The following GPC5 variants were observed in gnomAD, a reference collection of about 807,000 sequenced individuals.
GPC5 encodes the protein glypican 5, also known as glypican-5.
Under a neutral mutation model 53.9 loss-of-function variants are expected in GPC5, and 47 were observed. The observed-to-expected ratio is 0.87, with a 90% CI of 0.69 to 1.11. The LOEUF (loss-of-function observed/expected upper bound fraction) is 1.11, where lower values mean the gene tolerates loss of function less well. Among genes scored for constraint, GPC5 ranks in the 50% most tolerant of loss-of-function variants. The pLI, the probability that GPC5 is intolerant of heterozygous loss-of-function variation, is 0.00. For synonymous variants in GPC5, 286 were observed against 263.3 expected, an observed-to-expected ratio of 1.09 and a Z score of -0.84; for missense variants, 748 against 713.1, an observed-to-expected ratio of 1.05 and a Z score of -0.56.
chr13:91,752,999 C>G (rs541188459), intron 4 of GPC5, among the ~76,000 whole-genome samples: 1 of 152,320 alleles, frequency 6.6e-6, no homozygotes, highest in South Asian at 2.1e-4. Context: ...AAATCTCAAA[C>G]TGAACATGTT....
chr13:91,620,577 T>C (rs993210235), intron 2 of GPC5, among the ~76,000 whole-genome samples: 1 of 152,162 alleles, frequency 6.6e-6, no homozygotes, highest in African/African-American at 2.4e-5. Context: ...TTGTTCACAT[T>C]GTCATCGCTC....
intron 2 of GPC5, among the ~76,000 whole-genome samples, chr13:91,629,306 A>C (rs2034093868): frequency 6.6e-6 from 1 of 152,146 alleles, no homozygotes; most frequent in Non-Finnish European, 1.5e-5. Context: ...TAAAAGCTGA[A>C]TGAATTTGAG....
intron 5 of GPC5, among the ~76,000 whole-genome samples, chr13:91,850,296 A>G (rs1459134723): frequency 2.0e-5 from 3 of 152,162 alleles, no homozygotes; most frequent in Non-Finnish European, 4.4e-5. Context: ...TTTATAAAAC[A>G]ACCTGGGACT....
chr13:92,794,860 A>G (rs998930351), intron 7 of GPC5, among the ~76,000 whole-genome samples: 7 of 152,166 alleles, frequency 4.6e-5, no homozygotes, highest in African/African-American at 1.7e-4. Flanking sequence ...GAGAACTACA[A>G]ACCAATGCTC....
intron 5 of GPC5, among the ~76,000 whole-genome samples, chr13:91,816,038 A>G (rs2038394201): frequency 6.6e-6 from 1 of 152,154 alleles, no homozygotes; most frequent in Non-Finnish European, 1.5e-5. Flanking sequence ...TAGCTAAATA[A>G]TATTATAAAA....
At chr13:91,901,700 C>T (rs1253142736) in intron 5 of GPC5, among the ~76,000 whole-genome samples, 1 of 152,008 alleles carries the variant, frequency 6.6e-6, no homozygotes, top group Non-Finnish European at 1.5e-5. Flanking sequence ...AGCAGTTCAC[C>T]TTCACTGATG....
intron 7 of GPC5, among the ~76,000 whole-genome samples, chr13:92,301,932 C>T (rs754520314): frequency 3.3e-5 from 5 of 151,790 alleles, no homozygotes; most frequent in Non-Finnish European, 5.9e-5. Flanking sequence ...TAATTAATAT[C>T]GACCACAGCT....
intron 7 of GPC5, among the ~76,000 whole-genome samples, chr13:92,321,689 C>T (rs990632614): frequency 3.3e-5 from 5 of 152,088 alleles, no homozygotes; most frequent in Admixed American, 1.3e-4. Context: ...ATGGGAAAAA[C>T]ATCCAGAAAC....
intron 7 of GPC5, among the ~76,000 whole-genome samples, chr13:92,831,973 T>C (rs1878057892): frequency 6.6e-6 from 1 of 152,148 alleles, no homozygotes; most frequent in African/African-American, 2.4e-5. Context: ...TGTACAGGTA[T>C]ATGGGCTTAC....
At chr13:92,476,638 C>T (rs1879143384) in intron 7 of GPC5, among the ~76,000 whole-genome samples, 2 of 148,802 alleles carry the variant, frequency 1.3e-5, no homozygotes, top group African/African-American at 5.1e-5. Flanking sequence ...AGACTTGGAA[C>T]CAACCCAAAT....
At chr13:92,181,867 A>G (rs141589190) in intron 7 of GPC5, among the ~76,000 whole-genome samples, 65 of 152,342 alleles carry the variant, frequency 4.3e-4, no homozygotes, top group Non-Finnish European at 8.4e-4. Flanking sequence ...GCTGTCCTAC[A>G]TTATGCAATT....
At chr13:91,762,507 C>T (rs1001965014) in intron 5 of GPC5, among the ~76,000 whole-genome samples, 1 of 151,872 alleles carries the variant, frequency 6.6e-6, no homozygotes, top group African/African-American at 2.4e-5. Context: ...ATTAATGTAA[C>T]AACTGGTTGC....
intron 5 of GPC5, among the ~76,000 whole-genome samples, chr13:91,810,685 G>A (rs866053647): frequency 1.3e-5 from 2 of 151,764 alleles, no homozygotes; most frequent in South Asian, 4.1e-4. Flanking sequence ...AATAGTAGAC[G>A]GATGATTGAA....
At chr13:91,972,547 G>C (rs1243082202) in intron 6 of GPC5, among the ~76,000 whole-genome samples, 3 of 152,168 alleles carry the variant, frequency 2.0e-5, no homozygotes, top group Non-Finnish European at 4.4e-5. Flanking sequence ...AGTTGATACA[G>C]TTTCTTCCTA....
chr13:92,188,142 G>T (rs1288416254), intron 7 of GPC5, among the ~76,000 whole-genome samples: 1 of 151,910 alleles, frequency 6.6e-6, no homozygotes, highest in African/African-American at 2.4e-5. Context: ...AGAGAACAGG[G>T]CTCTTTAAAA....
At chr13:92,281,160 A>C (rs1182406172) in intron 7 of GPC5, among the ~76,000 whole-genome samples, 1 of 152,196 alleles carries the variant, frequency 6.6e-6, no homozygotes, top group Non-Finnish European at 1.5e-5. Context: ...CTAGTAAGGC[A>C]GTCTGAGATG....
chr13:92,104,032 G>C (rs1288892848), intron 6 of GPC5, among the ~76,000 whole-genome samples: 1 of 151,972 alleles, frequency 6.6e-6, no homozygotes, highest in South Asian at 2.1e-4. Context: ...GATTGTTTTT[G>C]GCAAATACCC....
Position 91,734,771 on chromosome 13 carries a change from A to C in GPC5, c.1154+6106A>C, listed in dbSNP as rs917600096. Among the ~76,000 whole-genome samples, 17 of 151,234 alleles carry C rather than the reference A, an allele frequency of 1.1e-4. 1 individual carries two copies. Among genetic ancestry groups the C allele is most frequent in the African/African-American group, 3.4e-4 (14 of 40,620 alleles). ...TATCTTTAATTTCCAAATATTTTTC[A>C]TTGGTCTCTTTTTAAATTCACATCC... On this transcript the variant is annotated intron_variant, in intron 4 of 7. Transcript: ENST00000377067.
intron 4 of GPC5, among the ~76,000 whole-genome samples, chr13:91,738,822 A>T (rs163934): frequency 0.64 from 96,190 of 150,236 alleles, 31,677 homozygotes; most frequent in South Asian, 0.75. Flanking sequence ...ATGCTATTTT[A>T]CCAACAAATA....
Sources: allele counts gnomAD v4.1 joint callset (sites outside exome capture counted in the v4.1 genomes callset), GRCh38; gene constraint gnomAD v4.1.1; transcripts MANE v1.5; gene names NCBI Gene and HGNC (gene_info 2026-07-23, HGNC 2026-07-21).